Variants in DCHS1 observed in about 807,000 individuals in gnomAD.
DCHS1 encodes the protein dachsous cadherin-related 1.
DCHS1 carries 78 observed loss-of-function variants against 213.9 expected under a neutral mutation model. The ratio of observed to expected loss-of-function variants is 0.36; its 90% CI spans 0.30 to 0.44. The LOEUF is 0.44. Among genes scored for constraint, DCHS1 ranks in the 20% least tolerant of loss-of-function variants. The pLI, the probability that DCHS1 is intolerant of heterozygous loss-of-function variation, is 1.00. For synonymous variants in DCHS1, 1,828 were observed against 1,873.7 expected (o/e 0.98, Z 0.63); for missense variants, 3,946 against 4,395.9 (o/e 0.90, Z 2.89).
intron 1 of DCHS1, among the ~76,000 whole-genome samples, chr11:6,646,786 T>C (rs529400118): frequency 1.6e-3 from 236 of 152,164 alleles, no homozygotes; most frequent in Non-Finnish European, 2.9e-3. Flanking sequence ...GCAAGACTGT[T>C]CATTGGGGCC....
rs756320439 is a variant in DCHS1, at chr11:6,622,371, G to A, written c.9305C>T (p.Ala3102Val). 6.4e-7 allele frequency: 1 copy of A among 1,569,008 alleles called. No individual in the cohort carries two copies. Among genetic ancestry groups the A allele is most frequent in the East Asian group, 2.3e-5 (1 of 42,904 alleles). ...CTCCTCTCTGTAGAGAGTGGCTCCT[G>A]CACCTGGCAGCAGCAGCCCTGCCTT... The part of the protein sequence containing the change: ...GRKAGLLLPG[A>V]GATLYREEGP... The change falls in exon 21 of 21, where the codon GCA becomes GTA. Residue 3102 changes from alanine to valine, a missense_variant. Transcript: ENST00000299441. This position sits in a 1 kb window ranked among gnomAD's most constrained non-coding sequence, Gnocchi z 5.4.
At position 6,632,273 on chromosome 11, in the gene DCHS1, G is replaced by A; in HGVS notation, c.3239C>T (p.Ala1080Val). The change falls in exon 6 of 21, where the codon GCT becomes GTT. Residue 1080 changes from alanine (A) to valine (V), a missense_variant. By Grantham distance (64) the Ala-to-Val change is moderately conservative. Around this residue, in one of 3 missense-constraint regions of DCHS1, gnomAD observed 3,384 missense variants for 3,780.1 expected, o/e 0.90. Transcript: ENST00000299441. The surrounding 1 kb of genome is among the most constrained non-coding windows in gnomAD (Gnocchi z 5.9). ...TGTGCCTGTCTGCTGCCCCAACTCA[G>A]CTTTGGACCCAGACACTGCCATTAC... The part of the protein sequence containing the change: ...LKVMAVSGSK[A>V]ELGQQTGTAT... 1.9e-6 allele frequency: 3 copies of A among 1,613,928 alleles called. No homozygotes were observed. The highest frequency in any genetic ancestry group is 2.5e-6 in the Non-Finnish European group (3 of 1,179,832).
rs190453396 is a variant in DCHS1 at position 6,625,856 on chromosome 11, A to G, written c.6731+64T>C. On this transcript the variant is annotated intron_variant, in intron 17 of 20. Coordinates refer to ENST00000299441, the MANE Select transcript of DCHS1 (RefSeq NM_003737.4). The surrounding 1 kb of genome is among the most constrained non-coding windows in gnomAD (Gnocchi z 5.3). The stretch of plus-strand genomic sequence containing the variant: ...TGTGGCCAAGGGACCAGATGAGTTC[A>G]AGGCAGGGCTTGAAACTGGACAGGC... The G allele has an allele frequency of 1.6e-5, 25 of 1,594,746 alleles. No homozygotes were observed. In the East Asian group the frequency reaches 5.4e-4, roughly 35 times the overall value.
rs1315815146 is a variant in DCHS1, at chr11:6,625,793, A to T, written c.6732-66T>A. On this transcript the variant is annotated intron_variant, in intron 17 of 20. Transcript: ENST00000299441. The surrounding 1 kb of genome is among the most constrained non-coding windows in gnomAD (Gnocchi z 5.3). Reference sequence around the variant, plus strand: ...AGGGGGAACTCTGGGCAGGGCCAGGAGGACTCAGGACAGAGCTTAGGGCTG... The same window carrying T: ...AGGGGGAACTCTGGGCAGGGCCAGGTGGACTCAGGACAGAGCTTAGGGCTG... The T allele has an allele frequency of 5.1e-6, 8 of 1,582,978 alleles. No homozygotes were observed. The African/African-American group carries it at 1.1e-4, about 21-fold the overall frequency.
In DCHS1 at chr11:6,634,097, GC is replaced by G. The variant is rs774868885; in HGVS notation, c.1986+20del. 8.1e-6 allele frequency: 13 copies of G among 1,598,568 alleles called. No homozygotes were observed. Among genetic ancestry groups the G allele is most frequent in the Admixed American group, 3.4e-5 (2 of 59,246 alleles). On this transcript the variant is annotated intron_variant, in intron 3 of 20. Transcript: ENST00000299441. Reference sequence around the variant, plus strand: ...GTGCCCTACCCCAACATCCCAACCTGCCCTTGGTCTACTGACTTACCCCATC... The same window carrying G: ...GTGCCCTACCCCAACATCCCAACCTGCCTTGGTCTACTGACTTACCCCATC...
chr11:6,628,855 G>A lies in DCHS1; in HGVS notation c.5162-25C>T, dbSNP rs755960120. The A allele has an allele frequency of 2.5e-6, 4 of 1,599,778 alleles. No homozygotes were observed. Among genetic ancestry groups the A allele is most frequent in the South Asian group, 2.2e-5 (2 of 88,998 alleles). ...ACTGTGGGGAAGCAAAATCAATGAGGTCTAGTCTGCCCTCACCACATGGAG... is the reference window on the plus strand; with the variant it reads ...ACTGTGGGGAAGCAAAATCAATGAGATCTAGTCTGCCCTCACCACATGGAG... On this transcript the variant is annotated intron_variant, in intron 12 of 20. Transcript: ENST00000299441. This position sits in a 1 kb window ranked among gnomAD's most constrained non-coding sequence, Gnocchi z 4.3.
In DCHS1 at chr11:6,624,846, G is replaced by A. The variant is rs1855767311; in HGVS notation, c.7169C>T (p.Pro2390Leu). Residue 2390 changes from proline to leucine, a missense_variant, in exon 20 of 21, where the codon CCC becomes CTC. This residue lies in a region of DCHS1 where 3,384 missense variants were observed against 3,780.1 expected (regional missense o/e 0.90). Coordinates refer to ENST00000299441, the MANE Select transcript of DCHS1 (RefSeq NM_003737.4). ...LYQVMLLEHT[P>L]PGSAILSVSA... ...GACGGAGAGAATGGCACTGCCTGGG[G>A]GTGTGTGCTCAAGCAGCATTACCTG... 6.2e-7 allele frequency: 1 copy of A among 1,613,736 alleles called. No individual in the cohort carries two copies. Among genetic ancestry groups the A allele is most frequent in the African/African-American group, 1.3e-5 (1 of 74,898 alleles).
Position 6,625,529 on chromosome 11 carries a change from T to G in DCHS1, c.6863-48A>C. The G allele has an allele frequency of 6.2e-7, 1 of 1,610,542 alleles. No homozygotes were observed. Among genetic ancestry groups the G allele is most frequent in the Non-Finnish European group, 8.5e-7 (1 of 1,178,944 alleles). On this transcript the variant is annotated intron_variant, in intron 18 of 20. Transcript: ENST00000299441. This position sits in a 1 kb window ranked among gnomAD's most constrained non-coding sequence, Gnocchi z 5.3. ...GTTTGGCAATGGACACAGCCCCACC[T>G]TGAGCTGCAGGGTGGAGAAAAATGT...
chr11:6,643,287 C>T (rs1409494985), intron 1 of DCHS1, among the ~76,000 whole-genome samples: 2 of 152,156 alleles, frequency 1.3e-5, no homozygotes, highest in Non-Finnish European at 2.9e-5. Flanking sequence ...CAGAAGCTAT[C>T]GCCCTTTCTG....
Position 6,621,810 on chromosome 11 carries a change from T to C in DCHS1, c.9866A>G (p.Glu3289Gly). 1 of 1,601,218 alleles carries C rather than the reference T, an allele frequency of 6.2e-7. No individual in the cohort carries two copies. Residue 3289 changes from glutamate (E) to glycine (G), a missense_variant, in exon 21 of 21, where the codon GAG becomes GGG. Coordinates refer to ENST00000299441, the MANE Select transcript of DCHS1 (RefSeq NM_003737.4). ...GTGCAGCTCCGTGTCATCAGGTGGCTCCAGGCCAGACTCTGCGCTGAGTGC... is the reference window on the plus strand; with the variant it reads ...GTGCAGCTCCGTGTCATCAGGTGGCCCCAGGCCAGACTCTGCGCTGAGTGC... ...ASALSAESGL[E>G]PPDDTELHI
intron 1 of DCHS1, among the ~76,000 whole-genome samples, chr11:6,649,080 C>T (rs985637262): frequency 2.0e-5 from 3 of 151,934 alleles, no homozygotes; most frequent in East Asian, 1.9e-4. Context: ...ACACAGTGAA[C>T]GCTCACTAAA....
chr11:6,654,784 A>G (rs1342549063), intron 1 of DCHS1, among the ~76,000 whole-genome samples: 1 of 151,850 alleles, frequency 6.6e-6, no homozygotes, highest in Non-Finnish European at 1.5e-5. Flanking sequence ...AAGCGACAAT[A>G]TTTTTCTGGC....
Position 6,630,543 on chromosome 11 carries a change from C to G in DCHS1, c.4251G>C (p.Ala1417=). 1 of 1,531,820 alleles carries G rather than the reference C, an allele frequency of 6.5e-7. No individual in the cohort carries two copies. Among genetic ancestry groups the G allele is most frequent in the South Asian group, 1.2e-5 (1 of 84,112 alleles). The allele number at this position is 1,531,820 out of a possible 1,614,324, so 94.9% of individuals were successfully genotyped here. A position where few individuals can be genotyped will look rare whatever the true frequency, so the allele number is the denominator to read the frequency against. ...VRAEGPGGAG[A]RLLRVQVQVQ... ...CTTGCACCTGCACTCGCAGCAGCCG[C>G]GCGCCCGCGCCTCCCGGCCCCTCAG... is the stretch of plus-strand genomic sequence containing the variant. The change falls in exon 10 of 21, where the codon GCG becomes GCC. Residue 1417 remains alanine, a synonymous_variant. Transcript: ENST00000299441.
chr11:6,642,957 C>G (rs1856101272), intron 1 of DCHS1, among the ~76,000 whole-genome samples: 1 of 151,906 alleles, frequency 6.6e-6, no homozygotes, highest in Admixed American at 6.6e-5. Context: ...TGGTGGGGTT[C>G]AGGAAGTAGA....
chr11:6,623,946 C>T lies in DCHS1; in HGVS notation c.7730G>A (p.Arg2577His), dbSNP rs769888974. 2.1e-5 allele frequency: 33 copies of T among 1,605,916 alleles called. No homozygotes were observed. The highest frequency in any genetic ancestry group is 4.4e-5 in the South Asian group (4 of 90,798). The change falls in exon 21 of 21, where the codon CGT becomes CAT. Residue 2577 changes from arginine (R) to histidine (H), a missense_variant. By Grantham distance (29) the Arg-to-His change is conservative. Around this residue, in one of 3 missense-constraint regions of DCHS1, gnomAD observed 3,384 missense variants for 3,780.1 expected, o/e 0.90. Coordinates refer to ENST00000299441, the MANE Select transcript of DCHS1 (RefSeq NM_003737.4). ...QYNLTVAAAD[R>H]GQPPQSSVVP... The stretch of plus-strand genomic sequence containing the variant: ...GACTGAGCTTTGGGGTGGCTGCCCA[C>T]GGTCAGCTGCAGCCACTGTTAGATT...
intron 1 of DCHS1, among the ~76,000 whole-genome samples, chr11:6,644,574 T>C (rs1856128414): frequency 6.6e-6 from 1 of 152,248 alleles, no homozygotes; most frequent in South Asian, 2.1e-4. Context: ...CAGCCTCGAT[T>C]TGTTCATGTG....
Position 6,629,507 on chromosome 11 carries a change from A to C in DCHS1, c.5106T>G (p.Val1702=). The change falls in exon 12 of 21, where the codon GTT becomes GTG. Residue 1702 remains valine, a synonymous_variant. Transcript: ENST00000299441. ...GATCCAGGGCCCGAAGAGTCGTGAG[A>C]ACACCAGTGTCAGGATCCAGAGAAA... ...ESFSLDPDTG[V]LTTLRALDRE... 6.2e-7 allele frequency: 1 copy of C among 1,613,384 alleles called. No individual in the cohort carries two copies. Among genetic ancestry groups the C allele is most frequent in the Non-Finnish European group, 8.5e-7 (1 of 1,179,648 alleles).
rs1855823549 is a variant in DCHS1, at chr11:6,627,248, C to T, written c.5791G>A (p.Ala1931Thr). 1 of 1,613,432 alleles carries T rather than the reference C, an allele frequency of 6.2e-7. No homozygotes were observed. Among genetic ancestry groups the T allele is most frequent in the Non-Finnish European group, 8.5e-7 (1 of 1,179,868 alleles). ...QCPSYTFSVS[A>T]VDGAAAGPLS... ...GGCCCAGCAGCTGCACCATCCACTG[C>T]ACTCACAGAAAAGGTGTAGCTGGGA... The change falls in exon 14 of 21, where the codon GCA (alanine) becomes ACA (threonine). Residue 1931 changes from alanine (A) to threonine (T), a missense_variant. Transcript: ENST00000299441. This position sits in a 1 kb window ranked among gnomAD's most constrained non-coding sequence, Gnocchi z 5.4.
Position 6,632,197 on chromosome 11 carries a change from C to A in DCHS1, c.3315G>T (p.Leu1105Phe). 1 of 1,604,176 alleles carries A rather than the reference C, an allele frequency of 6.2e-7. No homozygotes were observed. The highest frequency in any genetic ancestry group is 1.1e-5 in the South Asian group (1 of 90,388). Reference protein sequence around the residue: ...ILNQNEHSPRLSEDPTFLAVA... With the variant: ...ILNQNEHSPRFSEDPTFLAVA... Reference sequence around the variant, plus strand: ...CAGCCAGGAAGGTGGGATCCTCAGACAAGCGGGGACTGTGTTCATTCTGGT... The same window carrying A: ...CAGCCAGGAAGGTGGGATCCTCAGAAAAGCGGGGACTGTGTTCATTCTGGT... The change falls in exon 6 of 21, where the codon TTG (leucine) becomes TTT (phenylalanine). Residue 1105 changes from leucine (L) to phenylalanine (F), a missense_variant. Leu to Phe is a conservative substitution (Grantham distance 22, BLOSUM62 0). Coordinates refer to ENST00000299441, the MANE Select transcript of DCHS1 (RefSeq NM_003737.4). This position sits in a 1 kb window ranked among gnomAD's most constrained non-coding sequence, Gnocchi z 5.9.
Sources: allele counts gnomAD v4.1 joint callset (sites outside exome capture counted in the v4.1 genomes callset), GRCh38; gene constraint gnomAD v4.1.1; regional missense constraint gnomAD v4.1.1; non-coding constraint Gnocchi (gnomAD v3.1); transcripts MANE v1.5; gene names NCBI Gene and HGNC (gene_info 2026-07-23, HGNC 2026-07-21).